KCNN2: variants seen among roughly 807,000 people sequenced by gnomAD.
KCNN2 encodes the protein potassium calcium-activated channel subfamily N member 2.
In KCNN2, 24 loss-of-function variants were observed where a neutral mutation model predicts 55.5. That is an observed-to-expected ratio of 0.43 (90% CI 0.31 to 0.61). The LOEUF is 0.61. Among genes scored for constraint, KCNN2 ranks in the 20% least tolerant of loss-of-function variants. The probability of loss-of-function intolerance (pLI) is 0.08; values close to 1 mark genes in which losing one functional copy is unlikely to be tolerated. For missense variants in KCNN2, 754 were observed against 853.6 expected (o/e 0.88, Z 1.45); for synonymous variants, 431 against 336.1 (o/e 1.28, Z -3.09).
chr5:114,131,145 T>C (rs1752063708), intron 1 of KCNN2, among the ~76,000 whole-genome samples: 1 of 152,220 alleles, frequency 6.6e-6, no homozygotes, highest in African/African-American at 2.4e-5. Context: ...TTATTTTAAG[T>C]TCTGGGGTAC....
intron 1 of KCNN2, among the ~76,000 whole-genome samples, chr5:114,122,012 T>C (rs1751838994): frequency 6.6e-6 from 1 of 152,246 alleles, no homozygotes. Flanking sequence ...AAAGAACAAA[T>C]TATCATTTAC....
chr5:114,459,638 G>C (rs1761100719), intron 3 of KCNN2, among the ~76,000 whole-genome samples: 1 of 152,136 alleles, frequency 6.6e-6, no homozygotes, highest in South Asian at 2.1e-4. Flanking sequence ...AATCATGTAT[G>C]TCTGAGTGCA....
intron 2 of KCNN2, among the ~76,000 whole-genome samples, chr5:114,240,094 A>G (rs1322144579): frequency 6.6e-6 from 1 of 152,166 alleles, no homozygotes; most frequent in Non-Finnish European, 1.5e-5. Flanking sequence ...GATCATTTTC[A>G]AGTATGAATA....
intron 3 of KCNN2, among the ~76,000 whole-genome samples, chr5:114,431,582 G>A (rs1238925540): frequency 1.3e-5 from 2 of 151,820 alleles, no homozygotes; most frequent in Admixed American, 1.3e-4. Flanking sequence ...CCACTTCATT[G>A]ATATCTGCTC....
intron 1 of KCNN2, among the ~76,000 whole-genome samples, chr5:114,208,277 C>T (rs962617440): frequency 1.3e-5 from 2 of 152,278 alleles, no homozygotes; most frequent in Admixed American, 6.5e-5. Context: ...CCACTCTTAG[C>T]GGTAATCAGT....
intron 2 of KCNN2, among the ~76,000 whole-genome samples, chr5:114,292,680 T>G (rs949195711): frequency 6.6e-6 from 1 of 152,190 alleles, no homozygotes; most frequent in Non-Finnish European, 1.5e-5. Context: ...CGCGGGCTCT[T>G]TTTTGGTTCC....
At chr5:114,090,499 A>G (rs1021910138) in intron 1 of KCNN2, among the ~76,000 whole-genome samples, 1 of 151,568 alleles carries the variant, frequency 6.6e-6, no homozygotes, top group Non-Finnish European at 1.5e-5. Context: ...ATTCATAACC[A>G]TTACTATCTG....
intron 2 of KCNN2, among the ~76,000 whole-genome samples, chr5:114,318,441 T>G (rs1213832143): frequency 6.6e-6 from 1 of 152,080 alleles, no homozygotes; most frequent in African/African-American, 2.4e-5. Flanking sequence ...ATATCTTGTT[T>G]AAGGTATGTA....
chr5:114,157,753 C>G (rs1752667975), intron 1 of KCNN2, among the ~76,000 whole-genome samples: 1 of 151,980 alleles, frequency 6.6e-6, no homozygotes, highest in African/African-American at 2.4e-5. Context: ...TGTCTGATGG[C>G]CAGTGATGAT....
intron 3 of KCNN2, among the ~76,000 whole-genome samples, chr5:114,412,659 G>A (rs771719293): frequency 1.3e-4 from 20 of 152,142 alleles, no homozygotes; most frequent in Non-Finnish European, 7.4e-5. Flanking sequence ...TGGTCTGCCA[G>A]CCATGATTTT....
chr5:114,156,587 A>C (rs529987797), intron 1 of KCNN2, among the ~76,000 whole-genome samples: 2 of 152,136 alleles, frequency 1.3e-5, no homozygotes, highest in East Asian at 3.9e-4. Flanking sequence ...CTCCTTGTAG[A>C]GCTCTTTCAC....
rs926060211 is a variant in KCNN2 at position 114,362,649 on chromosome 5, G to C, written c.510G>C (p.Thr170=). ...CHSLQPAASP[T]GSLGSLGSGP... is the part of the protein sequence containing the mutation. ...GCCTGCAGCCCGCCGCCAGCCCCAC[G>C]GGCAGCCTCGGCAGTCTGGGCTCCG... The change falls in exon 1 of 8, where the codon ACG becomes ACC. Residue 170 remains threonine, a synonymous_variant. Coordinates refer to ENST00000673685, the MANE Select transcript of KCNN2 (RefSeq NM_021614.4). The C allele has an allele frequency of 1.5e-6, 2 of 1,301,386 alleles. No homozygotes were observed. The highest frequency in any genetic ancestry group is 2.0e-6 in the Non-Finnish European group (2 of 983,070). The allele number at this position is 1,301,386 out of a possible 1,614,324, so 80.6% of individuals were successfully genotyped here.
intron 1 of KCNN2, among the ~76,000 whole-genome samples, chr5:114,089,681 T>C (rs1209355649): frequency 6.6e-6 from 1 of 152,116 alleles, no homozygotes; most frequent in Non-Finnish European, 1.5e-5. Flanking sequence ...TCCTTTTGTA[T>C]TTCTTCTCCA....
intron 2 of KCNN2, 136 bp downstream of exon 2, chr5:114,364,137 G>C (rs376996081): frequency 1.6e-6 from 1 of 643,646 alleles, no homozygotes; most frequent in Non-Finnish European, 2.8e-6. Flanking sequence ...TATTGTTACC[G>C]TTAGCACCTG....
intron 4 of KCNN2, among the ~76,000 whole-genome samples, chr5:114,471,289 A>G (rs1761724154): frequency 6.6e-6 from 1 of 150,726 alleles, no homozygotes; most frequent in African/African-American, 2.4e-5. Flanking sequence ...TAACCTAGGT[A>G]CATCCTCCTG....
intron 2 of KCNN2, among the ~76,000 whole-genome samples, chr5:114,354,096 G>A (rs938422060): frequency 6.6e-6 from 1 of 151,710 alleles, no homozygotes; most frequent in Non-Finnish European, 1.5e-5. Context: ...GGTGCTGGGG[G>A]TTTTCTTATT....
At chr5:114,060,984 C>G (rs1305376331) in intron 1 of KCNN2, among the ~76,000 whole-genome samples, 1 of 152,186 alleles carries the variant, frequency 6.6e-6, no homozygotes, top group African/African-American at 2.4e-5. Flanking sequence ...TATTCCTGGG[C>G]ACTTGGGCAT....
In KCNN2 at chr5:114,363,271, T is replaced by A; in HGVS notation, c.1122+10T>A. The A allele has an allele frequency of 6.3e-7, 1 of 1,586,640 alleles. No individual in the cohort carries two copies. The highest frequency in any genetic ancestry group is 8.6e-7 in the Non-Finnish European group (1 of 1,166,304). Reference sequence around the variant, plus strand: ...GGGCGCCTACGACAAGGTACAGGCTTGAACCCCAGCCCACGCTACCGGAGT... The same window carrying A: ...GGGCGCCTACGACAAGGTACAGGCTAGAACCCCAGCCCACGCTACCGGAGT... On this transcript the variant is annotated intron_variant, in intron 1 of 7. Coordinates refer to ENST00000673685, the MANE Select transcript of KCNN2 (RefSeq NM_021614.4).
chr5:114,349,350 T>C (rs1334215967), intron 2 of KCNN2, among the ~76,000 whole-genome samples: 1 of 152,090 alleles, frequency 6.6e-6, no homozygotes, highest in Non-Finnish European at 1.5e-5. Flanking sequence ...AGCACCAACA[T>C]GACACCATAA....
Sources: allele counts gnomAD v4.1 joint callset (sites outside exome capture counted in the v4.1 genomes callset), GRCh38; gene constraint gnomAD v4.1.1; transcripts MANE v1.5; gene names NCBI Gene and HGNC (gene_info 2026-07-23, HGNC 2026-07-21).